PCDH15: variants seen among roughly 807,000 people sequenced by gnomAD.
The protein encoded by PCDH15 is protocadherin-15.
PCDH15 carries 129 observed loss-of-function variants against 178.5 expected under a neutral mutation model. The observed-to-expected ratio is 0.72, with a 90% CI of 0.63 to 0.84. The LOEUF is 0.84. Ranked by LOEUF, PCDH15 falls within the 40% of genes least tolerant of loss-of-function variation. The pLI is 0.00. For synonymous variants in PCDH15, 800 were observed against 732.0 expected (o/e 1.09, Z -1.50); for missense variants, 2,230 against 2,099.9 (o/e 1.06, Z -1.21).
intron 2 of PCDH15, among the ~76,000 whole-genome samples, chr10:55,086,676 T>C (rs761320761): frequency 4.6e-5 from 7 of 152,062 alleles, no homozygotes; most frequent in Non-Finnish European, 8.8e-5. Context: ...CTAGACTCCA[T>C]GGAATTCTGT....
At chr10:55,450,687 G>T (rs2132080348) in intron 2 of PCDH15, among the ~76,000 whole-genome samples, 1 of 152,038 alleles carries the variant, frequency 6.6e-6, no homozygotes, top group Admixed American at 6.6e-5. Flanking sequence ...CTGCTACCAG[G>T]TTTTCTTTTC....
At chr10:55,249,784 T>A (rs915172237) in intron 1 of PCDH15, among the ~76,000 whole-genome samples, 2 of 151,958 alleles carry the variant, frequency 1.3e-5, no homozygotes, top group Non-Finnish European at 2.9e-5. Flanking sequence ...ATCATATATA[T>A]AAAGAACAAG....
chr10:54,853,316 T>TACACAC (rs1231984925), intron 3 of PCDH15, among the ~76,000 whole-genome samples: 12 of 115,132 alleles, frequency 1.0e-4, no homozygotes, highest in African/African-American at 4.0e-4. Context: ...TATATATATA[T>TACACAC]ATACATACAC....
intron 1 of PCDH15, among the ~76,000 whole-genome samples, chr10:54,683,680 A>G (rs116872144): frequency 9.5e-4 from 144 of 152,252 alleles, no homozygotes; most frequent in Non-Finnish European, 1.7e-3. Flanking sequence ...CAAACATTAG[A>G]GGCAAGACTA....
At chr10:55,477,014 G>A (rs1253348145) in intron 2 of PCDH15, among the ~76,000 whole-genome samples, 2 of 151,716 alleles carry the variant, frequency 1.3e-5, no homozygotes, top group Non-Finnish European at 2.9e-5. Context: ...GAAGTGCCAA[G>A]GTTATGTTAT....
chr10:54,359,665 G>C (rs1338125256), intron 5 of PCDH15, among the ~76,000 whole-genome samples: 1 of 151,902 alleles, frequency 6.6e-6, no homozygotes, highest in Non-Finnish European at 1.5e-5. Context: ...AATTTAATAA[G>C]ATATACTTAT....
intron 2 of PCDH15, among the ~76,000 whole-genome samples, chr10:55,379,432 G>GT (rs1249159661): frequency 6.6e-6 from 1 of 151,930 alleles, no homozygotes; most frequent in African/African-American, 2.4e-5. Flanking sequence ...GATATATAAA[G>GT]TAATATATTG....
chr10:55,546,002 G>A (rs1033883918), intron 2 of PCDH15, among the ~76,000 whole-genome samples: 4 of 152,048 alleles, frequency 2.6e-5, no homozygotes, highest in Non-Finnish European at 5.9e-5. Context: ...AAAGAGAAAA[G>A]TCAATGATGT....
At chr10:55,463,985 AAGAAAGAGAAAGAAAG>A (rs1839760803) in intron 2 of PCDH15, among the ~76,000 whole-genome samples, 1 of 35,814 alleles carries the variant, frequency 2.8e-5, no homozygotes, top group Non-Finnish European at 4.3e-5. Flanking sequence ...GAAAGAAAGA[AAGAAAGAGAAAGAAAG>A]AAAGAAAGAA....
chr10:55,578,759 G>T (rs978715173), intron 2 of PCDH15, among the ~76,000 whole-genome samples: 1 of 152,086 alleles, frequency 6.6e-6, no homozygotes. Flanking sequence ...GAAGGGGAAG[G>T]GGGAGCAAAG....
At chr10:55,413,689 T>C (rs1030445461) in intron 2 of PCDH15, among the ~76,000 whole-genome samples, 1 of 151,810 alleles carries the variant, frequency 6.6e-6, no homozygotes, top group Admixed American at 6.6e-5. Flanking sequence ...TTAAATGATA[T>C]ACAAAGCATT....
At chr10:54,006,935 C>G (rs758250586) in intron 20 of PCDH15, among the ~76,000 whole-genome samples, 1 of 152,110 alleles carries the variant, frequency 6.6e-6, no homozygotes, top group African/African-American at 2.4e-5. Flanking sequence ...TCTAGTCTCC[C>G]GTCTTCACAG....
At chr10:55,351,961 T>A (rs1308368716) in intron 2 of PCDH15, among the ~76,000 whole-genome samples, 1 of 152,168 alleles carries the variant, frequency 6.6e-6, no homozygotes, top group East Asian at 1.9e-4. Flanking sequence ...GAGGCTCTTA[T>A]GTGCCACTTG....
At chr10:55,301,686 G>A (rs1484179866) in intron 1 of PCDH15, among the ~76,000 whole-genome samples, 1 of 151,924 alleles carries the variant, frequency 6.6e-6, no homozygotes, top group Non-Finnish European at 1.5e-5. Flanking sequence ...ATTGCCTAAA[G>A]GATGTTTTCT....
intron 1 of PCDH15, among the ~76,000 whole-genome samples, chr10:55,200,071 A>G (rs1591984695): frequency 6.6e-6 from 1 of 152,012 alleles, no homozygotes; most frequent in Non-Finnish European, 1.5e-5. Flanking sequence ...TGGCTTGTGG[A>G]CCTGTAAGAA....
chr10:54,877,936 CTCT>C (rs1954177302), intron 3 of PCDH15, among the ~76,000 whole-genome samples: 7 of 104,302 alleles, frequency 6.7e-5, no homozygotes, highest in Admixed American at 1.1e-4. Context: ...CTCTCTCTCT[CTCT>C]TTTTTTTTTT....
chr10:54,701,578 C>T (rs370344510), intron 1 of PCDH15, among the ~76,000 whole-genome samples: 87 of 152,062 alleles, frequency 5.7e-4, no homozygotes, highest in African/African-American at 1.9e-3. Context: ...AGCAATGACA[C>T]ACAGAATCTC....
intron 15 of PCDH15, among the ~76,000 whole-genome samples, chr10:54,112,811 AT>A (rs2095049706): frequency 6.6e-6 from 1 of 152,200 alleles, no homozygotes; most frequent in Admixed American, 6.5e-5. Flanking sequence ...TAAACTCACA[AT>A]AATCTTGGGG....
chr10:55,205,048 C>A (rs1460201053), intron 1 of PCDH15, among the ~76,000 whole-genome samples: 2 of 151,926 alleles, frequency 1.3e-5, no homozygotes, highest in African/African-American at 2.4e-5. Flanking sequence ...AATAAACAGG[C>A]TCCTCAGATA....
Sources: gnomAD v4.1 joint callset for allele counts (sites outside exome capture counted in the v4.1 genomes callset) on GRCh38, gnomAD v4.1.1 for gene constraint, MANE v1.5 for transcripts, NCBI Gene and HGNC (gene_info 2026-07-23, HGNC 2026-07-21) for gene names.